Variants in R3HCC1L observed in about 807,000 individuals in gnomAD.
R3HCC1L encodes the protein coiled-coil domain-containing protein R3HCC1L.
In R3HCC1L, 51 loss-of-function variants were observed where a neutral mutation model predicts 59.9. The ratio of observed to expected loss-of-function variants is 0.85; its 90% confidence interval spans 0.68 to 1.07. R3HCC1L has a LOEUF of 1.07. Ranked by LOEUF, R3HCC1L falls within the 50% of genes least tolerant of loss-of-function variation. R3HCC1L has a pLI of 0.00. For missense variants in R3HCC1L, 965 were observed against 933.0 expected, an observed-to-expected ratio of 1.03 and a Z score of -0.45; for synonymous variants, 322 against 315.2, an observed-to-expected ratio of 1.02 and a Z score of -0.23.
At chr10:98,138,622 G>C (rs1037532926) in intron 1 of R3HCC1L, among the ~76,000 whole-genome samples, 1 of 152,184 alleles carries the variant, frequency 6.6e-6, no homozygotes, top group Admixed American at 6.5e-5. Context: ...TCTATAGTGT[G>C]TGAGTATGTA....
At chr10:98,185,968 A>G (rs1387917581) in intron 4 of R3HCC1L, among the ~76,000 whole-genome samples, 2 of 152,198 alleles carry the variant, frequency 1.3e-5, no homozygotes, top group Non-Finnish European at 2.9e-5. Context: ...GGCAAATTAA[A>G]GAGATACTCA....
intron 4 of R3HCC1L, among the ~76,000 whole-genome samples, chr10:98,192,890 A>T (rs1851011218): frequency 6.6e-6 from 1 of 152,190 alleles, no homozygotes; most frequent in Non-Finnish European, 1.5e-5. Context: ...ACAAAATACT[A>T]GCAAGATGAA....
chr10:98,194,139 T>C (rs964135339), intron 4 of R3HCC1L, among the ~76,000 whole-genome samples: 3 of 152,098 alleles, frequency 2.0e-5, no homozygotes, highest in African/African-American at 7.2e-5. Context: ...AGCAGACATA[T>C]AGACCAGTAG....
Position 98,208,756 on chromosome 10 carries a change from G to A in R3HCC1L, c.642G>A (p.Leu214=). The change falls in exon 5 of 10, where the codon TTG becomes TTA. Residue 214 remains leucine (L), a synonymous_variant. Transcript: ENST00000298999. ...GAATTGAAACTGATACCAAGGTTTT[G>A]GAGATACTATATGAGTTTCCTAGAG... is the stretch of plus-strand genomic sequence containing the variant. The part of the protein sequence containing the change: ...EGRIETDTKV[L]EILYEFPRVF... 6.2e-7 allele frequency: 1 copy of A among 1,614,058 alleles called. No individual in the cohort carries two copies. Among genetic ancestry groups the A allele is most frequent in the Non-Finnish European group, 8.5e-7 (1 of 1,180,002 alleles).
intron 1 of R3HCC1L, among the ~76,000 whole-genome samples, chr10:98,138,540 A>C (rs1292192075): frequency 6.6e-6 from 1 of 152,056 alleles, no homozygotes; most frequent in Non-Finnish European, 1.5e-5. Context: ...AAAAAAAAAA[A>C]TCAATTAAAC....
chr10:98,197,630 T>C (rs1221876117), intron 4 of R3HCC1L, among the ~76,000 whole-genome samples: 3 of 152,220 alleles, frequency 2.0e-5, no homozygotes, highest in Non-Finnish European at 4.4e-5. Flanking sequence ...AATGAATATT[T>C]AGTGATATAA....
intron 5 of R3HCC1L, among the ~76,000 whole-genome samples, chr10:98,216,174 A>T (rs1022680355): frequency 2.0e-5 from 3 of 152,090 alleles, no homozygotes; most frequent in African/African-American, 2.4e-5. Flanking sequence ...AAAAGTATCA[A>T]TTTTTTTCCC....
At position 98,236,037 on chromosome 10, in the gene R3HCC1L, AG is replaced by A; in HGVS notation, c.2143del (p.Ala715GlnfsTer11). On this transcript the variant is annotated frameshift_variant, in exon 9 of 10. Coordinates refer to ENST00000298999, the MANE Select transcript of R3HCC1L (RefSeq NM_001351015.2). LOFTEE classifies it high-confidence loss of function. ...TCTTCGATTCAGAGTTCCTCCAGCC[AG>A]CAAAGGAGCGTCCTGAGACTTCAGC... ...ARAYAEFLQP[A>X]KERPETSAAL... 1 of 1,613,674 alleles carries A rather than the reference AG, an allele frequency of 6.2e-7. No individual in the cohort carries two copies. Among genetic ancestry groups the A allele is most frequent in the Non-Finnish European group, 8.5e-7 (1 of 1,179,708 alleles).
chr10:98,223,090 A>G (rs1010698840), intron 5 of R3HCC1L, among the ~76,000 whole-genome samples: 5 of 152,162 alleles, frequency 3.3e-5, no homozygotes, highest in Non-Finnish European at 5.9e-5. Context: ...ATGGATTCAC[A>G]GCTGAATTCT....
intron 1 of R3HCC1L, among the ~76,000 whole-genome samples, chr10:98,137,252 C>T (rs1458230225): frequency 1.3e-5 from 2 of 152,190 alleles, no homozygotes; most frequent in East Asian, 3.9e-4. Flanking sequence ...TTCGGATTTT[C>T]CGATTAGGGA....
Position 98,231,694 on chromosome 10 carries a change from A to T in R3HCC1L, c.1961+7A>T, listed in dbSNP as rs764435928. 1 of 1,589,236 alleles carries T rather than the reference A, an allele frequency of 6.3e-7. No homozygotes were observed. The highest frequency in any genetic ancestry group is 8.6e-7 in the Non-Finnish European group (1 of 1,165,232). ...GGGTTTTCTGCAGTTATCAGTGAGT[A>T]TGCAAATGATTGTGGATGTTAGGGA... On this transcript the variant is annotated splice_region_variant and intron_variant, in intron 6 of 9. Coordinates refer to ENST00000298999, the MANE Select transcript of R3HCC1L (RefSeq NM_001351015.2).
chr10:98,218,875 T>C (rs1854534593), intron 5 of R3HCC1L, among the ~76,000 whole-genome samples: 1 of 152,200 alleles, frequency 6.6e-6, no homozygotes, highest in African/African-American at 2.4e-5. Context: ...TGCGTCTATA[T>C]TTACAATGTT....
At chr10:98,228,920 T>G (rs1226932654) in intron 5 of R3HCC1L, among the ~76,000 whole-genome samples, 1 of 152,226 alleles carries the variant, frequency 6.6e-6, no homozygotes, top group African/African-American at 2.4e-5. Context: ...TTCTGAGGCC[T>G]CTGTTCTGTT....
At position 98,239,101 on chromosome 10, in the gene R3HCC1L, C is replaced by T. The variant is rs554489145; in HGVS notation, c.2269+2937C>T. ...CCTGGTTTCCAGCAAAGCGAAAGTA[C>T]TCCTCAGCCTACCTAATCATGGAGA... On this transcript the variant is annotated intron_variant, in intron 9 of 9. Transcript: ENST00000298999. 3.9e-5 allele frequency among the ~76,000 whole-genome samples: 6 copies of T among 152,292 alleles called. No homozygotes were observed. In the East Asian group the frequency reaches 1.2e-3, roughly 29 times the overall value.
rs1338277965 is a variant in R3HCC1L, at chr10:98,221,304, G to A, written c.1786-10208G>A. Among the ~76,000 whole-genome samples, 971 of 150,342 alleles carry A rather than the reference G, an allele frequency of 6.5e-3. 13 individuals are homozygous for A. Among genetic ancestry groups the A allele is most frequent in the African/African-American group, 0.022 (895 of 40,982 alleles). On this transcript the variant is annotated intron_variant, in intron 5 of 9. Transcript: ENST00000298999. ...GCCCTTTGTCAGATGAGGAGGTTGCGAAAATTTTCTCCCATTTTGTAGGTT... is the reference window on the plus strand; with the variant it reads ...GCCCTTTGTCAGATGAGGAGGTTGCAAAAATTTTCTCCCATTTTGTAGGTT...
intron 1 of R3HCC1L, among the ~76,000 whole-genome samples, chr10:98,137,026 T>G (rs1303550885): frequency 6.6e-6 from 1 of 151,922 alleles, no homozygotes; most frequent in Non-Finnish European, 1.5e-5. Context: ...CTGGCCAACA[T>G]GGTGAAACCC....
intron 4 of R3HCC1L, among the ~76,000 whole-genome samples, chr10:98,187,653 A>G (rs1382679830): frequency 6.6e-6 from 1 of 151,744 alleles, no homozygotes; most frequent in Non-Finnish European, 1.5e-5. Context: ...TATGTATCAT[A>G]TATACAAATT....
At chr10:98,157,522 C>T (rs909872626) in intron 2 of R3HCC1L, among the ~76,000 whole-genome samples, 4 of 152,216 alleles carry the variant, frequency 2.6e-5, no homozygotes, top group African/African-American at 9.7e-5. Context: ...ATTTCACTTC[C>T]AGTTCCAGAG....
At chr10:98,160,561 AT>A (rs1847315743) in intron 2 of R3HCC1L, among the ~76,000 whole-genome samples, 1 of 152,214 alleles carries the variant, frequency 6.6e-6, no homozygotes, top group Non-Finnish European at 1.5e-5. Context: ...AGTTACTTGG[AT>A]TAATTTTCCT....
Sources: allele counts gnomAD v4.1 joint callset (sites outside exome capture counted in the v4.1 genomes callset), GRCh38; gene constraint gnomAD v4.1.1; transcripts MANE v1.5; gene names NCBI Gene and HGNC (gene_info 2026-07-23, HGNC 2026-07-21).